PRSS21: variants seen among roughly 807,000 people sequenced by gnomAD.
PRSS21 encodes serine protease 21.
Under a neutral mutation model 31.1 loss-of-function variants are expected in PRSS21, and 40 were observed. The ratio of observed to expected loss-of-function variants is 1.29; its 90% CI spans 1.00 to 1.68. The LOEUF is 1.68. Ranked by LOEUF, PRSS21 falls within the 40% of genes most tolerant of loss-of-function variation. The pLI, the probability that PRSS21 is intolerant of heterozygous loss-of-function variation, is 0.00. For synonymous variants in PRSS21, 186 were observed against 167.7 expected (o/e 1.11, Z -0.84); for missense variants, 467 against 412.6 (o/e 1.13, Z -1.14).
chr16:2,817,515 G>C lies in PRSS21; in HGVS notation c.91+59G>C, dbSNP rs1192865813. 7 of 1,354,188 alleles carry C rather than the reference G, an allele frequency of 5.2e-6. No homozygotes were observed. Among genetic ancestry groups the C allele is most frequent in the Non-Finnish European group, 6.9e-6 (7 of 1,010,512 alleles). 83.9% of individuals were successfully genotyped at this position (1,354,188 alleles called of 1,614,324 possible). On this transcript the variant is annotated intron_variant, in intron 2 of 5. Coordinates refer to ENST00000005995, the MANE Select transcript of PRSS21 (RefSeq NM_006799.4). This position sits in a 1 kb window ranked among gnomAD's most constrained non-coding sequence, Gnocchi z 4.2. ...GCCGTTGGGCCGAGGTGGACGGGGG[G>C]CGGTGAGGGGGTAGAGGGGGGCCTT... is the stretch of plus-strand genomic sequence containing the variant.
rs775111761 is a variant in PRSS21, at chr16:2,821,429, AGCTGGGGAGTG to A, written c.771_781del (p.Ser257ArgfsTer19). On this transcript the variant is annotated frameshift_variant, in exon 6 of 6. Transcript: ENST00000005995. LOFTEE classifies it low-confidence loss of function (END_TRUNC). Reference sequence around the variant, plus strand: ...ACTGTGGTATCAGATTGGAGTCGTGAGCTGGGGAGTGGGCTGTGGTCGGCCCAATCGGCCCG... The same window carrying A: ...ACTGTGGTATCAGATTGGAGTCGTGAGGCTGTGGTCGGCCCAATCGGCCCG... 1 of 1,614,200 alleles carries A rather than the reference AGCTGGGGAGTG, an allele frequency of 6.2e-7. No individual in the cohort carries two copies. Among genetic ancestry groups the A allele is most frequent in the South Asian group, 1.1e-5 (1 of 91,088 alleles).
intron 4 of PRSS21, among the ~76,000 whole-genome samples, chr16:2,819,974 C>T (rs940170728): frequency 1.5e-4 from 23 of 152,278 alleles, no homozygotes; most frequent in Non-Finnish European, 2.2e-4. Flanking sequence ...GCTGCAAACA[C>T]GAGTGGATAT....
In PRSS21 at chr16:2,817,810, G is replaced by A. The variant is rs764804753; in HGVS notation, c.101G>A (p.Gly34Asp). Residue 34 changes from glycine (G) to aspartate (D), a missense_variant, in exon 3 of 6, where the codon GGC becomes GAC. Transcript: ENST00000005995. The surrounding 1 kb of genome is among the most constrained non-coding windows in gnomAD (Gnocchi z 4.2). ...CCTCTGACCATCCGAGGACCATGCG[G>A]CCGACGGGTCATCACGTCGCGCATC... ...QEAAPLSGPC[G>D]RRVITSRIVG... is the part of the protein sequence containing the mutation. The A allele has an allele frequency of 1.9e-6, 3 of 1,549,990 alleles. No homozygotes were observed. In the South Asian group the frequency reaches 3.6e-5, roughly 18 times the overall value.
At position 2,818,670 on chromosome 16, in the gene PRSS21, C is replaced by G; in HGVS notation, c.258-7C>G. 1.2e-6 allele frequency: 2 copies of G among 1,612,824 alleles called. No individual in the cohort carries two copies. Among genetic ancestry groups the G allele is most frequent in the South Asian group, 2.2e-5 (2 of 90,988 alleles). On this transcript the variant is annotated splice_region_variant and splice_polypyrimidine_tract_variant and intron_variant, in intron 3 of 5. Transcript: ENST00000005995. The stretch of plus-strand genomic sequence containing the variant: ...GGGCCCCTGACTGCTCTCTTCTCTT[C>G]TGCCAGCTATAGTGACCTTAGTGAT...
At position 2,817,567 on chromosome 16, in the gene PRSS21, G is replaced by A; in HGVS notation, c.91+111G>A. The A allele has an allele frequency of 7.0e-7, 1 of 1,427,100 alleles. No homozygotes were observed. The highest frequency in any genetic ancestry group is 9.3e-7 in the Non-Finnish European group (1 of 1,077,044). The allele number at this position is 1,427,100 out of a possible 1,614,324, so 88.4% of individuals were successfully genotyped here. A position where few individuals can be genotyped will look rare whatever the true frequency, so the allele number is the denominator to read the frequency against. The stretch of plus-strand genomic sequence containing the variant: ...ACTGCTCTCTCGCCCCCGCCCCCGG[G>A]ATCGAGAACTCTGTTGGCGTGGAAA... On this transcript the variant is annotated intron_variant, in intron 2 of 5. Coordinates refer to ENST00000005995, the MANE Select transcript of PRSS21 (RefSeq NM_006799.4). This position sits in a 1 kb window ranked among gnomAD's most constrained non-coding sequence, Gnocchi z 4.2.
At chr16:2,819,004 G>C (rs756407122) in intron 4 of PRSS21, 35 bp downstream of exon 4, 76 of 1,605,842 alleles carry the variant, frequency 4.7e-5, no homozygotes, top group Non-Finnish European at 6.5e-5. Flanking sequence ...GGGAGGAACT[G>C]TCTTTGTTCA....
rs1336330737 is a variant in PRSS21, at chr16:2,817,796, C to T, written c.92-5C>T. The T allele has an allele frequency of 6.5e-7, 1 of 1,549,196 alleles. No individual in the cohort carries two copies. Among genetic ancestry groups the T allele is most frequent in the African/African-American group, 1.4e-5 (1 of 73,144 alleles). ...GCGGCTCAGCAGTTCCTCTGACCAT[C>T]CGAGGACCATGCGGCCGACGGGTCA... On this transcript the variant is annotated splice_region_variant and splice_polypyrimidine_tract_variant and intron_variant, in intron 2 of 5. Coordinates refer to ENST00000005995, the MANE Select transcript of PRSS21 (RefSeq NM_006799.4). The surrounding 1 kb of genome is among the most constrained non-coding windows in gnomAD (Gnocchi z 4.2).
Position 2,817,362 on chromosome 16 carries a change from G to A in PRSS21, c.64+30G>A. The stretch of plus-strand genomic sequence containing the variant: ...GCTCGGGGCGCTGCTGGCGGGATGG[G>A]GAGGCGGGGGAGCGGTGGGGAGGAC... On this transcript the variant is annotated intron_variant, in intron 1 of 5. Coordinates refer to ENST00000005995, the MANE Select transcript of PRSS21 (RefSeq NM_006799.4). This position sits in a 1 kb window ranked among gnomAD's most constrained non-coding sequence, Gnocchi z 4.2. 1 of 1,572,218 alleles carries A rather than the reference G, an allele frequency of 6.4e-7. No individual in the cohort carries two copies. The highest frequency in any genetic ancestry group is 8.6e-7 in the Non-Finnish European group (1 of 1,162,492).
rs1185553234 is a variant in PRSS21 at position 2,821,695 on chromosome 16, A to G, written c.*90A>G. Reference sequence around the variant, plus strand: ...TTTGGTAATAAACACATTCCAGTTGATGCCTTGCAGGGCATTCTTCAAAAG... The same window carrying G: ...TTTGGTAATAAACACATTCCAGTTGGTGCCTTGCAGGGCATTCTTCAAAAG... On this transcript the variant is annotated 3_prime_UTR_variant, in exon 6 of 6. Coordinates refer to ENST00000005995, the MANE Select transcript of PRSS21 (RefSeq NM_006799.4). The G allele has an allele frequency of 6.7e-7, 1 of 1,484,220 alleles. No individual in the cohort carries two copies. Among genetic ancestry groups the G allele is most frequent in the Non-Finnish European group, 9.1e-7 (1 of 1,097,784 alleles). 91.9% of individuals were successfully genotyped at this position (1,484,220 alleles called of 1,614,324 possible). A position where few individuals can be genotyped will look rare whatever the true frequency, so the allele number is the denominator to read the frequency against.
At chr16:2,818,057 G>C (rs2069110709) in intron 3 of PRSS21, 91 bp downstream of exon 3, 1 of 1,439,276 alleles carries the variant, frequency 6.9e-7, no homozygotes, top group Non-Finnish European at 9.3e-7. Flanking sequence ...TCTGATGCCA[G>C]ACTTGGGCGT....
At position 2,818,833 on chromosome 16, in the gene PRSS21, T is replaced by C. The variant is rs757733832; in HGVS notation, c.414T>C (p.Ile138=). The C allele has an allele frequency of 1.1e-5, 17 of 1,613,938 alleles. No homozygotes were observed. The highest frequency in any genetic ancestry group is 1.4e-5 in the Non-Finnish European group (17 of 1,179,786). Residue 138 remains isoleucine, a synonymous_variant, in exon 4 of 6, where the codon ATT becomes ATC. Transcript: ENST00000005995. ...ACCTGGGGAATTCACCCTATGACAT[T>C]GCCTTGGTGAAGCTGTCTGCACCTG... ...PRYLGNSPYD[I]ALVKLSAPVT... is the part of the protein sequence containing the mutation.
chr16:2,817,887 C>A lies in PRSS21; in HGVS notation c.178C>A (p.Arg60Ser). ...GCGTTGGCCGTGGCAGGGGAGCCTG[C>A]GCCTGTGGGATTCCCACGTATGCGG... ...LGRWPWQGSL[R>S]LWDSHVCGVS... Residue 60 changes from arginine to serine, a missense_variant, in exon 3 of 6, where the codon CGC (arginine) becomes AGC (serine). Coordinates refer to ENST00000005995, the MANE Select transcript of PRSS21 (RefSeq NM_006799.4). The surrounding 1 kb of genome is among the most constrained non-coding windows in gnomAD (Gnocchi z 4.2). The A allele has an allele frequency of 6.5e-7, 1 of 1,549,486 alleles. No individual in the cohort carries two copies. Among genetic ancestry groups the A allele is most frequent in the Non-Finnish European group, 8.7e-7 (1 of 1,146,970 alleles).
chr16:2,819,708 G>A (rs1387733348), intron 4 of PRSS21, among the ~76,000 whole-genome samples: 1 of 152,250 alleles, frequency 6.6e-6, no homozygotes, highest in African/African-American at 2.4e-5. Flanking sequence ...AGTGAGCCAG[G>A]CGCGGCCTCT....
At position 2,818,923 on chromosome 16, in the gene PRSS21, G is replaced by A; in HGVS notation, c.504G>A (p.Arg168=). ...CCTCCACATTTGAGTTTGAGAACCG[G>A]ACAGACTGCTGGGTGACTGGCTGGG... ...LQASTFEFEN[R]TDCWVTGWGY... is the part of the protein sequence containing the mutation. The change falls in exon 4 of 6, where the codon CGG becomes CGA. Residue 168 remains arginine, a synonymous_variant. Transcript: ENST00000005995. The A allele has an allele frequency of 6.2e-7, 1 of 1,614,230 alleles. No individual in the cohort carries two copies. Among genetic ancestry groups the A allele is most frequent in the Non-Finnish European group, 8.5e-7 (1 of 1,180,048 alleles).
intron 3 of PRSS21, 43 bp downstream of exon 3, chr16:2,818,009 A>AC: frequency 2.0e-6 from 3 of 1,527,464 alleles, no homozygotes; most frequent in Non-Finnish European, 2.6e-6. Context: ...ACGGGCAGGA[A>AC]CAGGGCTGGA....
intron 3 of PRSS21, 48 bp from the exon 4 acceptor site, chr16:2,818,629 G>T (rs2069118923): frequency 2.5e-6 from 4 of 1,575,792 alleles, no homozygotes; most frequent in South Asian, 1.1e-5. Context: ...TGCTCAGGTA[G>T]CCAGCCCTCC....
intron 4 of PRSS21, among the ~76,000 whole-genome samples, 165 bp from the exon 5 acceptor site, chr16:2,820,790 G>A (rs1472894871): frequency 2.0e-5 from 3 of 152,182 alleles, no homozygotes; most frequent in African/African-American, 7.2e-5. Context: ...TGATGCTGCT[G>A]AGGGCCTCTG....
intron 4 of PRSS21, among the ~76,000 whole-genome samples, chr16:2,820,733 T>A (rs1596316202): frequency 6.6e-6 from 1 of 152,050 alleles, no homozygotes; most frequent in Non-Finnish European, 1.5e-5. Flanking sequence ...ATAGGGAAAG[T>A]GCGGCTGGGG....
Position 2,817,529 on chromosome 16 carries a change from G to GT in PRSS21, c.91+73_91+74insT, listed in dbSNP as rs1567272806. The GT allele has an allele frequency of 5.6e-5, 60 of 1,067,028 alleles. No individual in the cohort carries two copies. The East Asian group carries it at 1.0e-3, about 18-fold the overall frequency. 66.1% of individuals were successfully genotyped at this position (1,067,028 alleles called of 1,614,324 possible). Reference sequence around the variant, plus strand: ...GTGGACGGGGGGCGGTGAGGGGGTAGAGGGGGGCCTTTACTGCTCTCTCGC... The same window carrying GT: ...GTGGACGGGGGGCGGTGAGGGGGTAGTAGGGGGGCCTTTACTGCTCTCTCGC... On this transcript the variant is annotated intron_variant, in intron 2 of 5. Coordinates refer to ENST00000005995, the MANE Select transcript of PRSS21 (RefSeq NM_006799.4). This position sits in a 1 kb window ranked among gnomAD's most constrained non-coding sequence, Gnocchi z 4.2.
Sources: gnomAD v4.1 joint callset for allele counts (sites outside exome capture counted in the v4.1 genomes callset) on GRCh38, gnomAD v4.1.1 for gene constraint, Gnocchi (gnomAD v3.1) non-coding constraint, MANE v1.5 for transcripts, NCBI Gene and HGNC (gene_info 2026-07-23, HGNC 2026-07-21) for gene names.